The following LALBA variants were observed in gnomAD, a reference collection of about 807,000 sequenced individuals.
LALBA encodes the protein lactalbumin alpha, also known as alpha-lactalbumin.
LALBA carries 12 observed loss-of-function variants against 13.4 expected under a neutral mutation model. The observed-to-expected ratio is 0.89, with a 90% CI of 0.57 to 1.45. LALBA has a LOEUF of 1.45. Ranked by LOEUF, LALBA falls within the 40% of genes most tolerant of loss-of-function variation. The pLI is 0.00. For missense variants in LALBA, 145 were observed against 165.9 expected, an observed-to-expected ratio of 0.87 and a Z score of 0.69; for synonymous variants, 64 against 61.0, an observed-to-expected ratio of 1.05 and a Z score of -0.23.
chr12:48,569,348 C>T (rs1485875968), intron 1 of LALBA, 108 bp from the exon 2 acceptor site: 3 of 917,940 alleles, frequency 3.3e-6, no homozygotes, highest in Non-Finnish European at 5.0e-6. Flanking sequence ...CCAAAGATGG[C>T]AAAGCTCAGA....
intron 1 of LALBA, among the ~76,000 whole-genome samples, chr12:48,569,556 A>G (rs908299694): frequency 1.2e-4 from 18 of 152,114 alleles, no homozygotes; most frequent in African/African-American, 4.1e-4. Context: ...TCTACAAAAA[A>G]TACAAAATTA....
rs1938601451 is a variant in LALBA, at chr12:48,569,119, G to T, written c.255C>A (p.Val85=). 1 of 1,613,366 alleles carries T rather than the reference G, an allele frequency of 6.2e-7. No homozygotes were observed. The highest frequency in any genetic ancestry group is 1.3e-5 in the African/African-American group (1 of 74,892). ...TGTCACAGATGTTCCTTGACTGAGGGACCTGGCTGCTCTTGCACCAAAGCT... is the reference window on the plus strand; with the variant it reads ...TGTCACAGATGTTCCTTGACTGAGGTACCTGGCTGCTCTTGCACCAAAGCT... ...SNKLWCKSSQ[V]PQSRNICDIS... The change falls in exon 2 of 4, where the codon GTC becomes GTA. Residue 85 remains valine (V), a synonymous_variant. Coordinates refer to ENST00000301046, the MANE Select transcript of LALBA (RefSeq NM_002289.3).
chr12:48,570,435 TC>T (rs1031383009), upstream of LALBA, among the ~76,000 whole-genome samples: 4 of 151,922 alleles, frequency 2.6e-5, no homozygotes, highest in East Asian at 1.9e-4. Context: ...GCTTCCCCCT[TC>T]CCCCCTAGAG....
chr12:48,568,388 G>C (rs1254713100), intron 3 of LALBA, 129 bp downstream of exon 3: 1 of 688,104 alleles, frequency 1.5e-6, no homozygotes, highest in Non-Finnish European at 2.6e-6. Flanking sequence ...TGAGTCTCTA[G>C]GTAAGCTTTG....
upstream of LALBA, among the ~76,000 whole-genome samples, chr12:48,570,972 C>A (rs1344685792): frequency 7.0e-6 from 1 of 142,870 alleles, no homozygotes; most frequent in East Asian, 2.2e-4. Flanking sequence ...CAAAGTGAGA[C>A]CCTATCTTTA....
rs1938596471 is a variant in LALBA at position 48,568,732 on chromosome 12, A to G, written c.293-140T>C. On this transcript the variant is annotated intron_variant, in intron 2 of 3. Transcript: ENST00000301046. ...GTTGTCTTTCTATATGAAAGGACCA[A>G]TGTGGTAATGTCTAACCCTGGGTAG... 1.5e-5 allele frequency: 9 copies of G among 613,268 alleles called. No individual in the cohort carries two copies. The South Asian group carries it at 1.7e-4, about 12-fold the overall frequency. 38.0% of individuals were successfully genotyped at this position (613,268 alleles called of 1,614,324 possible).
Position 48,568,571 on chromosome 12 carries a change from G to C in LALBA, c.314C>G (p.Thr105Ser). The change falls in exon 3 of 4, where the codon ACT becomes AGT. Residue 105 changes from threonine to serine, a missense_variant. Coordinates refer to ENST00000301046, the MANE Select transcript of LALBA (RefSeq NM_002289.3). Reference sequence around the variant, plus strand: ...CTTCTTGGCACACATTATGTCATCAGTAATGTCATCATCCAGGAACTCTGG... The same window carrying C: ...CTTCTTGGCACACATTATGTCATCACTAATGTCATCATCCAGGAACTCTGG... Reference protein sequence around the residue: ...SCDKFLDDDITDDIMCAKKIL... With the variant: ...SCDKFLDDDISDDIMCAKKIL... The C allele has an allele frequency of 1.3e-6, 2 of 1,596,990 alleles. No homozygotes were observed. Among genetic ancestry groups the C allele is most frequent in the Non-Finnish European group, 8.6e-7 (1 of 1,166,872 alleles).
chr12:48,568,956 G>A (rs1329272586), intron 2 of LALBA, 126 bp downstream of exon 2: 2 of 808,024 alleles, frequency 2.5e-6, no homozygotes, highest in African/African-American at 3.5e-5. Flanking sequence ...GCCAATTCAA[G>A]TCCCACAATT....
At chr12:48,571,286 A>G (rs868592413), upstream of LALBA, among the ~76,000 whole-genome samples, 34 of 151,792 alleles carry the variant, frequency 2.2e-4, no homozygotes, top group Middle Eastern at 3.4e-3. Flanking sequence ...ATTTGCTGGC[A>G]TGAAGCTTCA....
rs936697669 is a variant in LALBA, at chr12:48,568,588, G to A, written c.297C>T (p.Phe99=). The A allele has an allele frequency of 1.3e-6, 2 of 1,589,364 alleles. No homozygotes were observed. Among genetic ancestry groups the A allele is most frequent in the South Asian group, 2.2e-5 (2 of 89,874 alleles). Residue 99 remains phenylalanine, a synonymous_variant, in exon 3 of 4, where the codon TTC becomes TTT. Transcript: ENST00000301046. ...RNICDISCDK[F]LDDDITDDIM... Reference sequence around the variant, plus strand: ...TGTCATCAGTAATGTCATCATCCAGGAACTCTGGCAGGAGTTACAGGGAAA... The same window carrying A: ...TGTCATCAGTAATGTCATCATCCAGAAACTCTGGCAGGAGTTACAGGGAAA...
chr12:48,570,190 A>G, upstream of LALBA: 1 of 661,602 alleles, frequency 1.5e-6, no homozygotes, highest in Admixed American at 2.9e-5. Context: ...TCCTTCCATA[A>G]TTCACCCTAC....
upstream of LALBA, among the ~76,000 whole-genome samples, chr12:48,570,230 C>T (rs1367263016): frequency 1.3e-5 from 2 of 152,112 alleles, no homozygotes; most frequent in African/African-American, 4.8e-5. Context: ...GTATCTAGTC[C>T]ATAGCAGGTA....
At chr12:48,569,769 G>A in intron 1 of LALBA, 119 bp downstream of exon 1, 1 of 868,404 alleles carries the variant, frequency 1.2e-6, no homozygotes, top group Non-Finnish European at 1.8e-6. Flanking sequence ...GTATGCAAAT[G>A]AGCAGAAAAG....
upstream of LALBA, chr12:48,570,211 C>A: frequency 1.6e-6 from 1 of 614,152 alleles, no homozygotes; most frequent in South Asian, 2.0e-5. Flanking sequence ...TTTTCCTTTC[C>A]CTCTCCCAGT....
rs140668197 is a variant in LALBA at position 48,568,925 on chromosome 12, A to T, written c.292+157T>A. On this transcript the variant is annotated intron_variant, in intron 2 of 3. Transcript: ENST00000301046. Reference sequence around the variant, plus strand: ...GGATTTGATGACCATGAAAAATCCAAACAGCTTCTTACTCAGTACTGCCAA... The same window carrying T: ...GGATTTGATGACCATGAAAAATCCATACAGCTTCTTACTCAGTACTGCCAA... Among the ~76,000 whole-genome samples, 159 of 152,346 alleles carry T rather than the reference A, an allele frequency of 1.0e-3. 1 individual carries two copies. Among genetic ancestry groups the T allele is most frequent in the African/African-American group, 3.6e-3 (150 of 41,580 alleles).
In LALBA at chr12:48,569,889, T is replaced by G; in HGVS notation, c.132A>C (p.Glu44Asp). The stretch of plus-strand genomic sequence containing the variant: ...GAAACACAGAGGCAGGGAACTCACA[T>G]TCAGGCAAAGCGATGCCTCCATAAC... ...IDGYGGIALP[E>D]LICTMFHTSG... is the part of the protein sequence containing the mutation. Residue 44 changes from glutamate to aspartate, a missense_variant and splice_region_variant, in exon 1 of 4, where the codon GAA (glutamate) becomes GAC (aspartate). Transcript: ENST00000301046. 1.2e-6 allele frequency: 2 copies of G among 1,613,676 alleles called. No individual in the cohort carries two copies. The highest frequency in any genetic ancestry group is 1.7e-6 in the Non-Finnish European group (2 of 1,179,800).
intron 3 of LALBA, 134 bp downstream of exon 3, chr12:48,568,383 C>T: frequency 1.5e-6 from 1 of 679,494 alleles, no homozygotes. Context: ...AAACCTGAGT[C>T]TCTAGGTAAG....
chr12:48,571,059 G>A (rs147992537), upstream of LALBA, among the ~76,000 whole-genome samples: 55 of 149,434 alleles, frequency 3.7e-4, no homozygotes, highest in East Asian at 4.9e-3. Context: ...CACTCCTACC[G>A]TAAATAACCA....
rs112447012 is a variant in LALBA, at chr12:48,567,817, A to G, written c.*140T>C. The G allele has an allele frequency of 6.9e-4, 498 of 718,420 alleles. 6 individuals are homozygous for G. The African/African-American group carries it at 7.9e-3, about 11-fold the overall frequency. 44.5% of individuals were successfully genotyped at this position (718,420 alleles called of 1,614,324 possible). On this transcript the variant is annotated 3_prime_UTR_variant, in exon 4 of 4. Transcript: ENST00000301046. Reference sequence around the variant, plus strand: ...CATCCCTGGAAAATAGTCTTCAAGAATTCGGTGATGTCACTACAGGGCCCA... The same window carrying G: ...CATCCCTGGAAAATAGTCTTCAAGAGTTCGGTGATGTCACTACAGGGCCCA...
Sources: allele counts gnomAD v4.1 joint callset (sites outside exome capture counted in the v4.1 genomes callset), GRCh38; gene constraint gnomAD v4.1.1; transcripts MANE v1.5; gene names NCBI Gene and HGNC (gene_info 2026-07-23, HGNC 2026-07-21).